The following AXIN1 variants were observed in gnomAD, a reference collection of about 807,000 sequenced individuals.
AXIN1 encodes axin-1.
A neutral mutation model predicts 76.4 loss-of-function variants in AXIN1; 30 were observed. The observed-to-expected ratio is 0.39, with a 90% CI of 0.29 to 0.53. The LOEUF (loss-of-function observed/expected upper bound fraction) is 0.53. AXIN1 is among the 20% of genes least tolerant of loss of function. The pLI, the probability that AXIN1 is intolerant of heterozygous loss-of-function variation, is 0.66. For missense variants in AXIN1, 1,140 were observed against 1,198.8 expected, an observed-to-expected ratio of 0.95 and a Z score of 0.72; for synonymous variants, 545 against 501.4, an observed-to-expected ratio of 1.09 and a Z score of -1.16.
At chr16:318,493 G>A (rs2141607673) in intron 2 of AXIN1, among the ~76,000 whole-genome samples, 1 of 152,338 alleles carries the variant, frequency 6.6e-6, no homozygotes, top group East Asian at 1.9e-4. Context: ...TCAGCACTCA[G>A]ATGGCTCCTG....
rs45603234 is a variant in AXIN1 at position 287,820 on chromosome 16, C to T, written c.*302G>A. 1,574 of 502,434 alleles carry T rather than the reference C, an allele frequency of 3.1e-3. 16 individuals carry two copies. Among genetic ancestry groups the T allele is most frequent in the African/African-American group, 0.029 (1,414 of 48,916 alleles). The allele number at this position is 502,434 out of a possible 1,614,324, so 31.1% of individuals were successfully genotyped here. ...CAGCACACGTGCCCAAGGGAGGTGC[C>T]GGGGGATGGGGGGGGGTCACCTGAA... On this transcript the variant is annotated 3_prime_UTR_variant, in exon 11 of 11. Transcript: ENST00000262320.
rs1229397921 is a variant in AXIN1 at position 297,229 on chromosome 16, G to A, written c.1785-3C>T. The A allele has an allele frequency of 6.2e-7, 1 of 1,604,966 alleles. No individual in the cohort carries two copies. The highest frequency in any genetic ancestry group is 1.1e-5 in the South Asian group (1 of 91,082). On this transcript the variant is annotated splice_region_variant and splice_polypyrimidine_tract_variant and intron_variant, in intron 6 of 10. Transcript: ENST00000262320. ...TGCACGCCACGCCCACCTTCCCACTGCAAGGGCAAGAGCTGCGAGTCGCCC... is the reference window on the plus strand; with the variant it reads ...TGCACGCCACGCCCACCTTCCCACTACAAGGGCAAGAGCTGCGAGTCGCCC...
rs1018329621 is a variant in AXIN1, at chr16:293,430, C to G, written c.2186+58G>C. 2.6e-6 allele frequency: 4 copies of G among 1,550,842 alleles called. No homozygotes were observed. The African/African-American group carries it at 5.4e-5, about 21-fold the overall frequency. On this transcript the variant is annotated intron_variant, in intron 8 of 10. Coordinates refer to ENST00000262320, the MANE Select transcript of AXIN1 (RefSeq NM_003502.4). The surrounding 1 kb of genome is among the most constrained non-coding windows in gnomAD (Gnocchi z 4.6). ...CCTCAGGCCTCGGGGAGCTTCAGCC[C>G]CAGGAGTGGTGCTGTGGTAACCCCC...
At chr16:333,445 AAAAAG>A (rs1306641460) in intron 2 of AXIN1, among the ~76,000 whole-genome samples, 47 of 152,016 alleles carry the variant, frequency 3.1e-4, no homozygotes, top group Admixed American at 2.9e-3. Context: ...GAAAAAAAAA[AAAAAG>A]AAAAGAAACA....
At chr16:305,354 C>T (rs1027167610) in intron 4 of AXIN1, among the ~76,000 whole-genome samples, 1 of 151,996 alleles carries the variant, frequency 6.6e-6, no homozygotes, top group Non-Finnish European at 1.5e-5. Context: ...CCTGTGGTTC[C>T]GACTACTTGG....
chr16:306,579 T>C (rs2053032819), intron 4 of AXIN1, among the ~76,000 whole-genome samples: 1 of 152,060 alleles, frequency 6.6e-6, no homozygotes, highest in Non-Finnish European at 1.5e-5. Context: ...CATCTAAACC[T>C]GAGAAGGATG....
intron 2 of AXIN1, among the ~76,000 whole-genome samples, chr16:320,743 A>ATATATATTTTTTTTTT (rs397722732): frequency 9.3e-6 from 1 of 107,664 alleles, no homozygotes; most frequent in African/African-American, 4.6e-5. Flanking sequence ...ATATATATAT[A>ATATATATTTTTTTTTT]TTTTTTTTTT....
chr16:340,878 C>T (rs1233951413), intron 2 of AXIN1, among the ~76,000 whole-genome samples: 2 of 152,232 alleles, frequency 1.3e-5, no homozygotes, highest in Admixed American at 1.3e-4. Context: ...AACCACCACG[C>T]GGCTCACACA....
chr16:316,718 CA>C (rs1216161014), intron 2 of AXIN1, among the ~76,000 whole-genome samples: 1 of 152,052 alleles, frequency 6.6e-6, no homozygotes, highest in East Asian at 1.9e-4. Flanking sequence ...GTCAGCCTCA[CA>C]GGGGGTTTAT....
chr16:346,678 G>A lies in AXIN1; in HGVS notation c.348C>T (p.Asp116=), dbSNP rs1427818656. 1 of 1,567,974 alleles carries A rather than the reference G, an allele frequency of 6.4e-7. No individual in the cohort carries two copies. The highest frequency in any genetic ancestry group is 8.6e-7 in the Non-Finnish European group (1 of 1,157,776). Residue 116 remains aspartate, a synonymous_variant, in exon 2 of 11, where the codon GAC becomes GAT. Transcript: ENST00000262320. The stretch of plus-strand genomic sequence containing the variant: ...TGAAGCCAGTGCAGGCAAACCAGAA[G>A]TCCAGCAAGTCGGCACAGCCCTCCT... ...LKQEGCADLL[D]FWFACTGFRK... is the part of the protein sequence containing the mutation.
At chr16:325,312 C>A (rs1201105816) in intron 2 of AXIN1, among the ~76,000 whole-genome samples, 1 of 152,080 alleles carries the variant, frequency 6.6e-6, no homozygotes, top group Non-Finnish European at 1.5e-5. Flanking sequence ...CCCCCCGCTG[C>A]TCCGGCGCCC....
At position 297,828 on chromosome 16, in the gene AXIN1, T is replaced by C. The variant is rs2141510008; in HGVS notation, c.1678A>G (p.Ser560Gly). The C allele has an allele frequency of 1.3e-6, 2 of 1,575,420 alleles. No homozygotes were observed. Among genetic ancestry groups the C allele is most frequent in the East Asian group, 4.5e-5 (2 of 44,406 alleles). ...VEAEATRRAQ[S>G]SFAWGLEPHS... ...GGTTCCAGGCCCCAGGCGAAGCTGC[T>C]CTGGGCCCTGCGGGTGGCCTCGGCC... Residue 560 changes from serine (S) to glycine (G), a missense_variant, in exon 6 of 11, where the codon AGC becomes GGC. Coordinates refer to ENST00000262320, the MANE Select transcript of AXIN1 (RefSeq NM_003502.4).
intron 5 of AXIN1, among the ~76,000 whole-genome samples, chr16:299,944 C>T (rs1207084883): frequency 1.3e-5 from 2 of 151,808 alleles, no homozygotes; most frequent in South Asian, 2.1e-4. Context: ...TGTGAGCCAC[C>T]GTGCCCGGCC....
intron 3 of AXIN1, 43 bp downstream of exon 3, chr16:314,500 C>T (rs1187040074): frequency 6.2e-7 from 1 of 1,612,016 alleles, no homozygotes. Context: ...CGGACTTACA[C>T]ACTGCTGTCC....
chr16:348,111 CA>C (rs2054068452), intron 1 of AXIN1, among the ~76,000 whole-genome samples: 1 of 152,158 alleles, frequency 6.6e-6, no homozygotes, highest in African/African-American at 2.4e-5. Flanking sequence ...AAGGGGTGTG[CA>C]AAAGAGAGTA....
chr16:342,036 CAGATA>C (rs1454243961), intron 2 of AXIN1, among the ~76,000 whole-genome samples: 2 of 152,190 alleles, frequency 1.3e-5, no homozygotes, highest in East Asian at 1.9e-4. Flanking sequence ...TGGGTGGGGC[CAGATA>C]AGAGAATAAA....
chr16:351,132 CAAA>C (rs71391129), intron 1 of AXIN1, among the ~76,000 whole-genome samples: 1 of 111,586 alleles, frequency 9.0e-6, no homozygotes, highest in Non-Finnish European at 1.8e-5. Flanking sequence ...AACTCTGTCT[CAAA>C]AAAAAAAAAA....
rs549949696 is a variant in AXIN1 at position 308,439 on chromosome 16, C to G, written c.1116+1534G>C. Reference sequence around the variant, plus strand: ...GGCATGCACTTTCTACACACGAAGACTCTGACCAGCACCCCAAAATCGGGG... The same window carrying G: ...GGCATGCACTTTCTACACACGAAGAGTCTGACCAGCACCCCAAAATCGGGG... On this transcript the variant is annotated intron_variant, in intron 4 of 10. Coordinates refer to ENST00000262320, the MANE Select transcript of AXIN1 (RefSeq NM_003502.4). 5.3e-5 allele frequency among the ~76,000 whole-genome samples: 8 copies of G among 152,348 alleles called. No homozygotes were observed. In the South Asian group the frequency reaches 1.7e-3, roughly 32 times the overall value.
chr16:344,011 A>AG (rs2141692703), intron 2 of AXIN1, among the ~76,000 whole-genome samples: 1 of 147,386 alleles, frequency 6.8e-6, no homozygotes, highest in South Asian at 2.1e-4. Flanking sequence ...CCATTTCAAA[A>AG]AAAAAAAAAA....
Sources: allele counts gnomAD v4.1 joint callset (sites outside exome capture counted in the v4.1 genomes callset), GRCh38; gene constraint gnomAD v4.1.1; non-coding constraint Gnocchi (gnomAD v3.1); transcripts MANE v1.5; gene names NCBI Gene and HGNC (gene_info 2026-07-23, HGNC 2026-07-21).